Variants in WNK1 observed in about 807,000 individuals in gnomAD.
WNK1 encodes serine/threonine-protein kinase WNK1.
A neutral mutation model predicts 222.8 loss-of-function variants in WNK1; 38 were observed. That is an observed-to-expected ratio of 0.17 (90% CI 0.13 to 0.22). The LOEUF is 0.22. Among genes scored for constraint, WNK1 ranks in the 10% least tolerant of loss-of-function variants. The pLI is 1.00. For synonymous variants in WNK1, 1,090 were observed against 1,092.9 expected, an observed-to-expected ratio of 1.00 and a Z score of 0.05; for missense variants, 2,348 against 2,918.4, an observed-to-expected ratio of 0.80 and a Z score of 4.50.
At chr12:755,513 CAT>C (rs530941722) in intron 1 of WNK1, among the ~76,000 whole-genome samples, 1 of 152,034 alleles carries the variant, frequency 6.6e-6, no homozygotes, top group East Asian at 1.9e-4. Flanking sequence ...TCTTTACAAA[CAT>C]AATCATTTCT....
At chr12:874,580 A>C (rs140607924) in intron 9 of WNK1, among the ~76,000 whole-genome samples, 7 of 152,312 alleles carry the variant, frequency 4.6e-5, no homozygotes, top group African/African-American at 1.7e-4. Context: ...ACCGAGCTGG[A>C]CCAGGTATGA....
In WNK1 at chr12:884,635, G is replaced by C; in HGVS notation, c.3845-14G>C. The C allele has an allele frequency of 6.2e-7, 1 of 1,610,758 alleles. No homozygotes were observed. Among genetic ancestry groups the C allele is most frequent in the Non-Finnish European group, 8.5e-7 (1 of 1,177,078 alleles). ...AAAATCAGCTGATTCTTATCTTTTT[G>C]TATTCCTTTGCAGTTGCTGCCTCTA... On this transcript the variant is annotated splice_polypyrimidine_tract_variant and intron_variant, in intron 18 of 27. Coordinates refer to ENST00000315939, the MANE Select transcript of WNK1 (RefSeq NM_018979.4). The surrounding 1 kb of genome is among the most constrained non-coding windows in gnomAD (Gnocchi z 5.6).
chr12:888,349 G>A (rs1334842986), intron 20 of WNK1, among the ~76,000 whole-genome samples: 2 of 152,162 alleles, frequency 1.3e-5, no homozygotes, highest in Non-Finnish European at 2.9e-5. Flanking sequence ...TAAATCAGGA[G>A]TTAGAAAATT....
At chr12:795,815 G>GA (rs1565442035) in intron 1 of WNK1, among the ~76,000 whole-genome samples, 1 of 151,954 alleles carries the variant, frequency 6.6e-6, no homozygotes, top group African/African-American at 2.4e-5. Context: ...TTCCTTTAAA[G>GA]AAAAAAATTT....
In WNK1 at chr12:865,294, TCCTGCCTATGCACTCTG is replaced by T. The variant is rs1371980928; in HGVS notation, c.2139+3028_2139+3044del. ...AAGCTTTCTAAAGCATTGGAGAGTG[TCCTGCCTATGCACTCTG>T]CCTCTCAGCGCAAGCACCGACGCTC... On this transcript the variant is annotated intron_variant, in intron 8 of 27. Coordinates refer to ENST00000315939, the MANE Select transcript of WNK1 (RefSeq NM_018979.4). 8 of 1,536,008 alleles carry T rather than the reference TCCTGCCTATGCACTCTG, an allele frequency of 5.2e-6. No individual in the cohort carries two copies.
chr12:783,134 C>G (rs977776929), intron 1 of WNK1, among the ~76,000 whole-genome samples: 8 of 151,878 alleles, frequency 5.3e-5, no homozygotes, highest in Non-Finnish European at 1.0e-4. Context: ...ACACTGGTCT[C>G]GAACTCCTGG....
At chr12:794,940 A>C (rs1945166927) in intron 1 of WNK1, among the ~76,000 whole-genome samples, 1 of 151,918 alleles carries the variant, frequency 6.6e-6, no homozygotes, top group Non-Finnish European at 1.5e-5. Flanking sequence ...AATTGTGTAG[A>C]GATGTGGTCT....
At chr12:792,550 G>A (rs559575293) in intron 1 of WNK1, among the ~76,000 whole-genome samples, 11 of 151,900 alleles carry the variant, frequency 7.2e-5, no homozygotes, top group South Asian at 2.1e-4. Context: ...TCCTGACCTC[G>A]TGATCCGCCC....
At chr12:895,276 C>G (rs1413330549) in intron 23 of WNK1, among the ~76,000 whole-genome samples, 1 of 152,096 alleles carries the variant, frequency 6.6e-6, no homozygotes, top group Non-Finnish European at 1.5e-5. Context: ...AATACATGGA[C>G]AAACCAGAAC....
intron 1 of WNK1, among the ~76,000 whole-genome samples, chr12:776,412 T>TTGTGTGTGTGTGTGTGTGTGTGTGTGTG (rs59148357): frequency 6.8e-6 from 1 of 146,112 alleles, no homozygotes; most frequent in Non-Finnish European, 1.5e-5. Flanking sequence ...GTTTGTGTGT[T>TTGTGTGTGTGTGTGTGTGTGTGTGTGTG]TGTGTGTGTG....
Position 879,747 on chromosome 12 carries a change from CAT to C in WNK1, c.2549_2550del (p.His850ArgfsTer44), listed in dbSNP as rs1280652657. The C allele has an allele frequency of 6.2e-7, 1 of 1,614,030 alleles. No homozygotes were observed. The highest frequency in any genetic ancestry group is 1.1e-5 in the South Asian group (1 of 91,070). On this transcript the variant is annotated frameshift_variant, in exon 11 of 28. Coordinates refer to ENST00000315939, the MANE Select transcript of WNK1 (RefSeq NM_018979.4). LOFTEE classifies it high-confidence loss of function. The part of the protein sequence containing the change: ...PVSQIPISTP[H>X]VSTAQTGFSS... ...CTCTCAGATTCCCATATCAACTCCT[CAT>C]GTGTCTACGGCTCAGACAGGTTTCT...
At chr12:830,200 T>C in intron 4 of WNK1, 40 bp downstream of exon 4, 1 of 1,608,662 alleles carries the variant, frequency 6.2e-7, no homozygotes. Context: ...TTGGGGCATA[T>C]CTAACAAAGA....
At chr12:768,859 G>C (rs1334606998) in intron 1 of WNK1, among the ~76,000 whole-genome samples, 1 of 151,674 alleles carries the variant, frequency 6.6e-6, no homozygotes, top group Non-Finnish European at 1.5e-5. Flanking sequence ...CACCAAACTG[G>C]AGTGCAGTGG....
At chr12:877,251 G>A (rs984367169) in intron 9 of WNK1, among the ~76,000 whole-genome samples, 6 of 151,982 alleles carry the variant, frequency 3.9e-5, no homozygotes, top group African/African-American at 1.4e-4. Context: ...TTTTAGTAGC[G>A]ATGGGGTTTC....
In WNK1 at chr12:897,826, G is replaced by A. The variant is rs1039001261; in HGVS notation, c.6448+145G>A. 1.5e-5 allele frequency: 12 copies of A among 785,796 alleles called. No individual in the cohort carries two copies. The African/African-American group carries it at 1.9e-4, about 13-fold the overall frequency. 48.7% of individuals were successfully genotyped at this position (785,796 alleles called of 1,614,324 possible). ...TGATATTTTTGCTTCCTTGACTGCT[G>A]TACTTACATTTATTGTACCTCTTTT... is the stretch of plus-strand genomic sequence containing the variant. On this transcript the variant is annotated intron_variant, in intron 25 of 27. Transcript: ENST00000315939.
chr12:813,461 G>T (rs527736206), intron 1 of WNK1, among the ~76,000 whole-genome samples, 181 bp from the exon 2 acceptor site: 1 of 152,276 alleles, frequency 6.6e-6, no homozygotes, highest in African/African-American at 2.4e-5. Context: ...TAACAGTAAA[G>T]ATACTAAAAT....
chr12:861,144 G>A lies in WNK1; in HGVS notation c.1752G>A (p.Gln584=), dbSNP rs1390432715. ...LVREEQEKKK[Q]EESSLKQQVE... ...GGGAGGAGCAAGAAAAAAAAAAGCAGGAAGAGAGCAGTCTCAAACAGCAGG... is the reference window on the plus strand; with the variant it reads ...GGGAGGAGCAAGAAAAAAAAAAGCAAGAAGAGAGCAGTCTCAAACAGCAGG... The change falls in exon 7 of 28, where the codon CAG becomes CAA. Residue 584 remains glutamine, a synonymous_variant. Coordinates refer to ENST00000315939, the MANE Select transcript of WNK1 (RefSeq NM_018979.4). 6.2e-7 allele frequency: 1 copy of A among 1,613,816 alleles called. No individual in the cohort carries two copies. The highest frequency in any genetic ancestry group is 1.3e-5 in the African/African-American group (1 of 74,816).
chr12:828,465 G>C (rs890243570), intron 3 of WNK1, among the ~76,000 whole-genome samples: 3 of 152,202 alleles, frequency 2.0e-5, no homozygotes, highest in African/African-American at 7.2e-5. Flanking sequence ...ATACTACTGA[G>C]ATTTGGGGTT....
In WNK1 at chr12:900,607, C is replaced by A. The variant is rs1955174599; in HGVS notation, c.6580C>A (p.Leu2194Ile). The A allele has an allele frequency of 1.2e-6, 2 of 1,614,118 alleles. No individual in the cohort carries two copies. Among genetic ancestry groups the A allele is most frequent in the Admixed American group, 1.7e-5 (1 of 60,008 alleles). The stretch of plus-strand genomic sequence containing the variant: ...TAAGCCATCTCCCTCCAGTGACAAC[C>A]TCTATTCAGCCTTCACCAGTGATGG... ...PLKPSPSSDN[L>I]YSAFTSDGAI... is the part of the protein sequence containing the mutation. Residue 2194 changes from leucine to isoleucine, a missense_variant, in exon 26 of 28, where the codon CTC (leucine) becomes ATC (isoleucine). Physicochemically the swap from Leu to Ile is conservative, Grantham distance 5. This residue lies in a region of WNK1 where 1,144 missense variants were observed against 1,273.6 expected (regional missense o/e 0.90). Transcript: ENST00000315939.
Sources: allele counts gnomAD v4.1 joint callset (sites outside exome capture counted in the v4.1 genomes callset), GRCh38; gene constraint gnomAD v4.1.1; regional missense constraint gnomAD v4.1.1; non-coding constraint Gnocchi (gnomAD v3.1); transcripts MANE v1.5; gene names NCBI Gene and HGNC (gene_info 2026-07-23, HGNC 2026-07-21).